PCDH15: variants seen among roughly 807,000 people sequenced by gnomAD.
PCDH15 encodes protocadherin-15.
Under a neutral mutation model 178.5 loss-of-function variants are expected in PCDH15, and 129 were observed. The ratio of observed to expected loss-of-function variants is 0.72; its 90% CI spans 0.63 to 0.84. PCDH15 has a LOEUF of 0.84. Among genes scored for constraint, PCDH15 ranks in the 40% least tolerant of loss-of-function variants. PCDH15 has a pLI of 0.00. For missense variants in PCDH15, 2,230 were observed against 2,099.9 expected (o/e 1.06, Z -1.21); for synonymous variants, 800 against 732.0 (o/e 1.09, Z -1.50).
chr10:55,475,860 A>C (rs569962162), intron 2 of PCDH15, among the ~76,000 whole-genome samples: 1 of 152,244 alleles, frequency 6.6e-6, no homozygotes, highest in South Asian at 2.1e-4. Context: ...TTCCTAACTT[A>C]TCTCTATCCA....
At chr10:55,082,317 C>T (rs1842060972) in intron 2 of PCDH15, among the ~76,000 whole-genome samples, 1 of 151,802 alleles carries the variant, frequency 6.6e-6, no homozygotes, top group African/African-American at 2.4e-5. Context: ...CCCAAAGGAT[C>T]AGTGAGTCCA....
At chr10:55,273,176 T>C (rs977321409) in intron 1 of PCDH15, among the ~76,000 whole-genome samples, 1 of 152,158 alleles carries the variant, frequency 6.6e-6, no homozygotes, top group Non-Finnish European at 1.5e-5. Flanking sequence ...ATAGTTTTTA[T>C]TACTCTCATT....
At chr10:54,121,273 C>A (rs2095215389) in intron 15 of PCDH15, among the ~76,000 whole-genome samples, 1 of 152,108 alleles carries the variant, frequency 6.6e-6, no homozygotes. Flanking sequence ...CATAAAAAAT[C>A]TCTGGGATGT....
chr10:53,805,788 C>G lies in PCDH15; in HGVS notation c.*791G>C, dbSNP rs569208331. 6.6e-6 allele frequency: 1 copy of G among 152,104 alleles called. No individual in the cohort carries two copies. Among genetic ancestry groups the G allele is most frequent in the Non-Finnish European group, 1.5e-5 (1 of 67,986 alleles). 9.4% of individuals were successfully genotyped at this position (152,104 alleles called of 1,614,324 possible). Reference sequence around the variant, plus strand: ...TGCTTACTCGAACCTTTCTCACTTCCCTAAAAGCTTTTGCTAAGGGTGAGA... The same window carrying G: ...TGCTTACTCGAACCTTTCTCACTTCGCTAAAAGCTTTTGCTAAGGGTGAGA... On this transcript the variant is annotated 3_prime_UTR_variant, in exon 38 of 38. Coordinates refer to ENST00000644397, the MANE Select transcript of PCDH15 (RefSeq NM_001384140.1).
At chr10:54,317,775 AAAC>A (rs2061369520) in intron 7 of PCDH15, among the ~76,000 whole-genome samples, 1 of 152,220 alleles carries the variant, frequency 6.6e-6, no homozygotes, top group Admixed American at 6.5e-5. Context: ...CAGTCTCAAA[AAAC>A]AACAACAAAA....
chr10:53,881,746 T>C (rs2133348888), intron 26 of PCDH15, among the ~76,000 whole-genome samples: 1 of 152,280 alleles, frequency 6.6e-6, no homozygotes, highest in South Asian at 2.1e-4. Context: ...CCTTGCGATG[T>C]TTTGATGTGA....
At chr10:54,293,549 A>G (rs945087902) in intron 8 of PCDH15, among the ~76,000 whole-genome samples, 45 of 152,212 alleles carry the variant, frequency 3.0e-4, no homozygotes, top group Non-Finnish European at 8.8e-5. Context: ...AATGGGAGAC[A>G]ATTTTTGCAA....
chr10:54,427,803 T>G (rs1156291352), intron 3 of PCDH15, among the ~76,000 whole-genome samples: 1 of 152,246 alleles, frequency 6.6e-6, no homozygotes, highest in Non-Finnish European at 1.5e-5. Context: ...TAGTAAAAAC[T>G]AAAGAGGGAA....
At chr10:55,131,545 G>A (rs1048150205) in intron 2 of PCDH15, among the ~76,000 whole-genome samples, 3 of 152,160 alleles carry the variant, frequency 2.0e-5, no homozygotes, top group Non-Finnish European at 4.4e-5. Flanking sequence ...TTTGTCTCAT[G>A]TCCAGGAATA....
At chr10:54,433,631 A>G (rs1421053722) in intron 3 of PCDH15, among the ~76,000 whole-genome samples, 1 of 152,154 alleles carries the variant, frequency 6.6e-6, no homozygotes, top group Non-Finnish European at 1.5e-5. Flanking sequence ...AGTATTTGGT[A>G]GCTCAACAGA....
At chr10:54,549,662 T>A (rs1261208652) in intron 2 of PCDH15, among the ~76,000 whole-genome samples, 1 of 151,614 alleles carries the variant, frequency 6.6e-6, no homozygotes, top group African/African-American at 2.4e-5. Flanking sequence ...ATACCTTTGG[T>A]ATAGGTTTTT....
chr10:54,690,314 T>G (rs904353737), intron 1 of PCDH15, among the ~76,000 whole-genome samples: 13 of 149,750 alleles, frequency 8.7e-5, no homozygotes, highest in Admixed American at 8.0e-4. Context: ...GACTACCTTT[T>G]TTTTTTTTTT....
chr10:55,550,589 T>C (rs1289443328), intron 2 of PCDH15, among the ~76,000 whole-genome samples: 1 of 152,160 alleles, frequency 6.6e-6, no homozygotes, highest in Admixed American at 6.6e-5. Context: ...TCATTTTAAA[T>C]AGACTTACTA....
At chr10:55,369,173 G>A (rs929584095) in intron 2 of PCDH15, among the ~76,000 whole-genome samples, 5 of 151,796 alleles carry the variant, frequency 3.3e-5, no homozygotes, top group Non-Finnish European at 5.9e-5. Flanking sequence ...AGCAAGTATA[G>A]GATATTGACA....
chr10:55,098,703 G>C (rs1842502523), intron 2 of PCDH15, among the ~76,000 whole-genome samples: 1 of 152,044 alleles, frequency 6.6e-6, no homozygotes, highest in Non-Finnish European at 1.5e-5. Flanking sequence ...GTCACACCTG[G>C]TGGAACCAAT....
At chr10:54,482,777 G>A (rs2078816274) in intron 3 of PCDH15, among the ~76,000 whole-genome samples, 1 of 151,788 alleles carries the variant, frequency 6.6e-6, no homozygotes, top group Non-Finnish European at 1.5e-5. Context: ...CACACATCAA[G>A]ATTAGAAGCA....
At chr10:55,126,683 AATAG>A (rs1262501209) in intron 2 of PCDH15, among the ~76,000 whole-genome samples, 3 of 152,124 alleles carry the variant, frequency 2.0e-5, no homozygotes, top group South Asian at 2.1e-4. Flanking sequence ...AGATTGAACA[AATAG>A]ATAAACTCAA....
At chr10:54,621,174 A>C (rs1454045594) in intron 2 of PCDH15, among the ~76,000 whole-genome samples, 4 of 151,990 alleles carry the variant, frequency 2.6e-5, no homozygotes, top group Non-Finnish European at 4.4e-5. Context: ...TATTTGCTTA[A>C]CCAAAGCAAT....
intron 2 of PCDH15, among the ~76,000 whole-genome samples, chr10:54,573,079 C>T (rs111728633): frequency 0.015 from 2,310 of 152,148 alleles, 56 homozygotes; most frequent in African/African-American, 0.052. Flanking sequence ...CTGTGCCTTG[C>T]TTCTCCTTTA....
Sources: gnomAD v4.1 joint callset for allele counts (sites outside exome capture counted in the v4.1 genomes callset) on GRCh38, gnomAD v4.1.1 for gene constraint, MANE v1.5 for transcripts, NCBI Gene and HGNC (gene_info 2026-07-23, HGNC 2026-07-21) for gene names.